DPP6: variants seen among roughly 807,000 people sequenced by gnomAD.
DPP6 encodes the protein A-type potassium channel modulatory protein DPP6.
Under a neutral mutation model 122.6 loss-of-function variants are expected in DPP6, and 69 were observed. The ratio of observed to expected loss-of-function variants is 0.56; its 90% CI spans 0.46 to 0.69. The LOEUF (loss-of-function observed/expected upper bound fraction) is 0.69, where lower values mean the gene tolerates loss of function less well. Among genes scored for constraint, DPP6 ranks in the 30% least tolerant of loss-of-function variants. The probability of loss-of-function intolerance (pLI) is 0.00; values close to 1 mark genes in which losing one functional copy is unlikely to be tolerated. For synonymous variants in DPP6, 418 were observed against 433.1 expected, an observed-to-expected ratio of 0.97 and a Z score of 0.43; for missense variants, 928 against 1,116.9, an observed-to-expected ratio of 0.83 and a Z score of 2.41.
chr7:153,851,179 G>A, the DPP6 span, among the ~76,000 whole-genome samples: 48 of 151,990 alleles, frequency 3.2e-4, no homozygotes, highest in Non-Finnish European at 6.0e-4. Flanking sequence ...TCCCACTTTC[G>A]CCATTTGCCC....
At chr7:153,871,445 C>T in the DPP6 span, among the ~76,000 whole-genome samples, 10 of 152,194 alleles carry the variant, frequency 6.6e-5, no homozygotes, top group Admixed American at 2.6e-4. Flanking sequence ...TAGGACCCTC[C>T]GAGCCAAGTG....
rs113600978 is a variant in DPP6 at position 154,176,460 on chromosome 7, A to G, written c.243+123397A>G. 3.9e-3 allele frequency among the ~76,000 whole-genome samples: 589 copies of G among 152,380 alleles called. 7 individuals carry two copies. The highest frequency in any genetic ancestry group is 0.02 in the Middle Eastern group (6 of 294). On this transcript the variant is annotated intron_variant, in intron 1 of 25. Coordinates refer to ENST00000377770, the MANE Select transcript of DPP6 (RefSeq NM_130797.4). ...CATCGTTTAAAAAAATTAGAAGTGC[A>G]TAGGAAAGAAAAGGTAATGTTATCA...
chr7:154,623,613 A>T (rs1310078406), intron 5 of DPP6, among the ~76,000 whole-genome samples: 1 of 150,842 alleles, frequency 6.6e-6, no homozygotes, highest in Admixed American at 6.6e-5. Flanking sequence ...ACACACACGC[A>T]CGTACACGCG....
the DPP6 span, among the ~76,000 whole-genome samples, chr7:153,827,440 GA>G: frequency 6.6e-6 from 1 of 152,150 alleles, no homozygotes; most frequent in Non-Finnish European, 1.5e-5. Context: ...GACTCTGAAA[GA>G]AGGAGGGAAG....
chr7:154,117,783 A>T (rs1468344971), intron 1 of DPP6, among the ~76,000 whole-genome samples: 1 of 151,586 alleles, frequency 6.6e-6, no homozygotes, highest in Non-Finnish European at 1.5e-5. Flanking sequence ...AGGATGTAGG[A>T]GATGCAGGTG....
At chr7:154,247,461 A>G (rs1397855154) in intron 1 of DPP6, among the ~76,000 whole-genome samples, 1 of 152,216 alleles carries the variant, frequency 6.6e-6, no homozygotes, top group African/African-American at 2.4e-5. Context: ...CACTTTACCA[A>G]AGAAGATATC....
At chr7:154,468,649 C>T (rs1821996329) in intron 2 of DPP6, among the ~76,000 whole-genome samples, 1 of 152,102 alleles carries the variant, frequency 6.6e-6, no homozygotes, top group Non-Finnish European at 1.5e-5. Context: ...GAGGTAAGGA[C>T]ATGAAGAGGG....
intron 1 of DPP6, among the ~76,000 whole-genome samples, chr7:154,060,636 G>T (rs1156571404): frequency 7.2e-6 from 1 of 139,082 alleles, no homozygotes; most frequent in African/African-American, 2.8e-5. Context: ...CCCATCGCAG[G>T]AGGGGGAGGC....
At chr7:153,875,744 TAACTC>T in the DPP6 span, among the ~76,000 whole-genome samples, 7 of 151,844 alleles carry the variant, frequency 4.6e-5, no homozygotes, top group Admixed American at 1.3e-4. Context: ...TAAACATAAT[TAACTC>T]AAAAGAGGAA....
intron 1 of DPP6, among the ~76,000 whole-genome samples, chr7:154,093,560 C>G (rs1289148798): frequency 6.9e-6 from 1 of 144,970 alleles, no homozygotes; most frequent in African/African-American, 2.5e-5. Context: ...ATACCATACA[C>G]CACACTGTAC....
intron 3 of DPP6, among the ~76,000 whole-genome samples, chr7:154,516,643 GACTC>G (rs1330184047): frequency 6.6e-6 from 1 of 152,166 alleles, no homozygotes; most frequent in African/African-American, 2.4e-5. Context: ...GAGGACATAA[GACTC>G]AGGACTGGGA....
chr7:154,673,394 G>A (rs1353661681), intron 7 of DPP6, among the ~76,000 whole-genome samples: 2 of 152,128 alleles, frequency 1.3e-5, no homozygotes, highest in African/African-American at 4.8e-5. Context: ...GGATGGGTGA[G>A]GGCATCTTTT....
chr7:153,858,509 C>T, the DPP6 span, among the ~76,000 whole-genome samples: 16 of 152,252 alleles, frequency 1.1e-4, no homozygotes, highest in African/African-American at 2.4e-4. Context: ...CCAGTGATGA[C>T]GCTGTCCTCC....
chr7:154,325,244 G>C (rs976289907), intron 1 of DPP6, among the ~76,000 whole-genome samples: 4 of 152,104 alleles, frequency 2.6e-5, no homozygotes, highest in African/African-American at 9.7e-5. Flanking sequence ...CGAATCGGCA[G>C]AGTTGGGCCC....
intron 1 of DPP6, among the ~76,000 whole-genome samples, chr7:153,921,893 C>T (rs1009474448): frequency 6.6e-6 from 1 of 152,248 alleles, no homozygotes; most frequent in Non-Finnish European, 1.5e-5. Flanking sequence ...GTCTGAGGAG[C>T]AGGCTCTGGC....
At chr7:154,675,066 C>T (rs1397675510) in intron 7 of DPP6, among the ~76,000 whole-genome samples, 1 of 152,162 alleles carries the variant, frequency 6.6e-6, no homozygotes, top group African/African-American at 2.4e-5. Flanking sequence ...CAGAAGGTCA[C>T]AGAATAGTTT....
At chr7:154,741,742 T>C (rs1842830315) in intron 8 of DPP6, among the ~76,000 whole-genome samples, 1 of 152,196 alleles carries the variant, frequency 6.6e-6, no homozygotes, top group Non-Finnish European at 1.5e-5. Flanking sequence ...AGATCAGCTC[T>C]TTCTCTGCTC....
At chr7:154,493,217 G>T (rs902661836) in intron 3 of DPP6, among the ~76,000 whole-genome samples, 1 of 152,158 alleles carries the variant, frequency 6.6e-6, no homozygotes, top group Non-Finnish European at 1.5e-5. Flanking sequence ...CAATAACTTC[G>T]TTAAGCCTCC....
chr7:154,091,115 C>G (rs1273079436), intron 1 of DPP6, among the ~76,000 whole-genome samples: 2 of 130,964 alleles, frequency 1.5e-5, no homozygotes, highest in African/African-American at 3.0e-5. Context: ...AGCAAGACTC[C>G]TTCTCAAAAA....
Sources: allele counts gnomAD v4.1 joint callset (sites outside exome capture counted in the v4.1 genomes callset), GRCh38; gene constraint gnomAD v4.1.1; transcripts MANE v1.5; gene names NCBI Gene and HGNC (gene_info 2026-07-23, HGNC 2026-07-21).